CDAN1: variants seen among roughly 807,000 people sequenced by gnomAD.
CDAN1 encodes the protein codanin 1.
CDAN1 carries 107 observed loss-of-function variants against 139.8 expected under a neutral mutation model. The ratio of observed to expected loss-of-function variants is 0.77; its 90% CI spans 0.65 to 0.90. CDAN1 has a LOEUF of 0.90. Among genes scored for constraint, CDAN1 ranks in the 40% least tolerant of loss-of-function variants. The pLI, the probability that CDAN1 is intolerant of heterozygous loss-of-function variation, is 0.00. For missense variants in CDAN1, 1,667 were observed against 1,575.7 expected (o/e 1.06, Z -0.98); for synonymous variants, 776 against 660.6 (o/e 1.17, Z -2.68).
rs1217530560 is a variant in CDAN1, at chr15:42,728,193, C to T, written c.2868+11G>A. On this transcript the variant is annotated intron_variant, in intron 21 of 27. Coordinates refer to ENST00000356231, the MANE Select transcript of CDAN1 (RefSeq NM_138477.4). ...CCTGGCCTGCTAGCTGCAGGCCTCCCTCACACGTACGGCTGCCGGGGTCTC... is the reference window on the plus strand; with the variant it reads ...CCTGGCCTGCTAGCTGCAGGCCTCCTTCACACGTACGGCTGCCGGGGTCTC... The T allele has an allele frequency of 6.2e-7, 1 of 1,613,246 alleles. No individual in the cohort carries two copies. Among genetic ancestry groups the T allele is most frequent in the African/African-American group, 1.3e-5 (1 of 74,944 alleles).
intron 8 of CDAN1, among the ~76,000 whole-genome samples, 174 bp downstream of exon 8, chr15:42,733,764 G>A (rs887943019): frequency 5.3e-5 from 8 of 152,194 alleles, no homozygotes; most frequent in African/African-American, 1.7e-4. Context: ...GGGGTTCACA[G>A]ATGCACATGA....
chr15:42,731,759 G>A lies in CDAN1; in HGVS notation c.1600C>T (p.Leu534=), dbSNP rs776453895. The A allele has an allele frequency of 1.2e-6, 2 of 1,614,206 alleles. No individual in the cohort carries two copies. The highest frequency in any genetic ancestry group is 4.5e-5 in the East Asian group (2 of 44,872). ...AACCGCCCCAGCTTGTCAGCTCCCA[G>A]CATACTCAACACATCTGGGGCCTCG... ...LGEAPDVLSM[L]GADKLGRLWR... The change falls in exon 11 of 28, where the codon CTG becomes TTG. Residue 534 remains leucine (L), a synonymous_variant. Transcript: ENST00000356231.
At chr15:42,726,224 TG>T in intron 24 of CDAN1, 64 bp from the exon 25 acceptor site, 1 of 1,605,476 alleles carries the variant, frequency 6.2e-7, no homozygotes, top group East Asian at 2.2e-5. Flanking sequence ...CTGCGAGAAC[TG>T]GCCCTGAGCC....
rs1194386135 is a variant in CDAN1 at position 42,736,629 on chromosome 15, G to A, written c.242C>T (p.Ala81Val). 2.6e-6 allele frequency: 4 copies of A among 1,513,182 alleles called. No homozygotes were observed. The highest frequency in any genetic ancestry group is 2.7e-5 in the East Asian group (1 of 36,716). The allele number at this position is 1,513,182 out of a possible 1,614,324, so 93.7% of individuals were successfully genotyped here. Reference protein sequence around the residue: ...TPAKTPGASAALPGRPGGPPR... With the variant: ...TPAKTPGASAVLPGRPGGPPR... ...CGGGCCTCCCGGCCTCCCTGGCAAG[G>A]CTGCCGAGGCGCCCGGGGTCTTGGC... The change falls in exon 2 of 28, where the codon GCC becomes GTC. Residue 81 changes from alanine (A) to valine (V), a missense_variant. Transcript: ENST00000356231.
Position 42,732,327 on chromosome 15 carries a change from T to G in CDAN1, c.1533+6A>C, listed in dbSNP as rs2061624529. Reference sequence around the variant, plus strand: ...ATGTGGATTAATCTCTTGCTGGGGCTGTTACCTGGAGTAGTTGTTTTTGGA... The same window carrying G: ...ATGTGGATTAATCTCTTGCTGGGGCGGTTACCTGGAGTAGTTGTTTTTGGA... On this transcript the variant is annotated splice_donor_region_variant and intron_variant, in intron 10 of 27. Transcript: ENST00000356231. The G allele has an allele frequency of 6.2e-7, 1 of 1,613,530 alleles. No individual in the cohort carries two copies. The highest frequency in any genetic ancestry group is 1.3e-5 in the African/African-American group (1 of 74,932).
chr15:42,724,604 C>A lies in CDAN1; in HGVS notation c.3571G>T (p.Glu1191Ter), dbSNP rs1421407767. The A allele has an allele frequency of 1.3e-6, 2 of 1,552,240 alleles. No individual in the cohort carries two copies. Among genetic ancestry groups the A allele is most frequent in the Admixed American group, 3.9e-5 (2 of 51,028 alleles). The change falls in exon 28 of 28, where the codon GAA (glutamate) becomes TAA (stop). Residue 1191 changes from glutamate (E) to a stop codon, truncating the protein, a stop_gained. Transcript: ENST00000356231. LOFTEE classifies it high-confidence loss of function. ...AACAGATTAGACAGTGTTGCTAATTCTTCAGCAAAGTCCTGGAATACATAG... is the reference window on the plus strand; with the variant it reads ...AACAGATTAGACAGTGTTGCTAATTATTCAGCAAAGTCCTGGAATACATAG... ...QAQWPGDFAE[E>*]LATLSNLFLA...
At position 42,729,092 on chromosome 15, in the gene CDAN1, G is replaced by A. The variant is rs370476233; in HGVS notation, c.2576C>T (p.Pro859Leu). The A allele has an allele frequency of 1.8e-5, 29 of 1,614,190 alleles. No individual in the cohort carries two copies. Among genetic ancestry groups the A allele is most frequent in the South Asian group, 8.8e-5 (8 of 91,078 alleles). The change falls in exon 19 of 28, where the codon CCG becomes CTG. Residue 859 changes from proline to leucine, a missense_variant. Physicochemically the swap from Pro to Leu is moderately conservative, Grantham distance 98. This residue lies in a region of CDAN1 where 936 missense variants were observed against 844.1 expected (regional missense o/e 1.11). Coordinates refer to ENST00000356231, the MANE Select transcript of CDAN1 (RefSeq NM_138477.4). ...CTCTACGGTCCGGCGCAAGGAGGGCGGCTGGTTGTGGAAAAAGGCCTGGGC... is the reference window on the plus strand; with the variant it reads ...CTCTACGGTCCGGCGCAAGGAGGGCAGCTGGTTGTGGAAAAAGGCCTGGGC... ...QLAQAFFHNQ[P>L]PSLRRTVEFV...
At chr15:42,731,399 G>A (rs986066527) in intron 11 of CDAN1, 68 bp from the exon 12 acceptor site, 123 of 1,604,204 alleles carry the variant, frequency 7.7e-5, no homozygotes, top group Non-Finnish European at 1.0e-4. Context: ...ATCGAGAAGG[G>A]GCACTCCAGA....
In CDAN1 at chr15:42,725,183, C is replaced by G. The variant is rs1213905935; in HGVS notation, c.3519G>C (p.Glu1173Asp). 2 of 1,614,196 alleles carry G rather than the reference C, an allele frequency of 1.2e-6. No homozygotes were observed. The highest frequency in any genetic ancestry group is 2.2e-5 in the South Asian group (2 of 91,082). The change falls in exon 27 of 28, where the codon GAG (glutamate) becomes GAC (aspartate). Residue 1173 changes from glutamate to aspartate, a missense_variant. Transcript: ENST00000356231. ...EKGLMGRMEI[E>D]ACLGSLHQAQ... ...CCTGGTGGAGGCTGCCCAGGCAGGC[C>G]TCTATCTCCATCCGTCCCATCAGAC...
chr15:42,727,340 A>G (rs2061542140), intron 23 of CDAN1: 1 of 382,826 alleles, frequency 2.6e-6, no homozygotes, highest in African/African-American at 2.1e-5. Context: ...TCACCACCGC[A>G]CTCTCATCAC....
At chr15:42,735,853 C>T in intron 3 of CDAN1, 22 bp downstream of exon 3, 1 of 1,613,208 alleles carries the variant, frequency 6.2e-7, no homozygotes, top group Non-Finnish European at 8.5e-7. Flanking sequence ...AACCGATATC[C>T]CCAGGAGCGG....
In CDAN1 at chr15:42,729,845, C is replaced by T. The variant is rs1166686407; in HGVS notation, c.2303G>A (p.Gly768Asp). 7 of 1,613,832 alleles carry T rather than the reference C, an allele frequency of 4.3e-6. No homozygotes were observed. Among genetic ancestry groups the T allele is most frequent in the Non-Finnish European group, 5.9e-6 (7 of 1,179,994 alleles). ...VPEDLFFLEE[G>D]PSYAFEVDTV... Reference sequence around the variant, plus strand: ...GTCCACCTCAAAGGCATATGAGGGACCCTCTTCCAGAAAGAACAAGTCCTC... The same window carrying T: ...GTCCACCTCAAAGGCATATGAGGGATCCTCTTCCAGAAAGAACAAGTCCTC... Residue 768 changes from glycine (G) to aspartate (D), a missense_variant, in exon 16 of 28, where the codon GGT (glycine) becomes GAT (aspartate). Physicochemically the swap from Gly to Asp is moderately conservative, Grantham distance 94. Transcript: ENST00000356231.
chr15:42,730,696 G>C lies in CDAN1; in HGVS notation c.2076C>G (p.Thr692=). 1 of 1,613,868 alleles carries C rather than the reference G, an allele frequency of 6.2e-7. No homozygotes were observed. The part of the protein sequence containing the change: ...RGLQARRAVL[T]VPWLVEFLSF... ...AGAGAAACTCCACCAGCCAGGGCAC[G>C]GTGAGCACCGCCCGGCGGGCCTGCA... Residue 692 remains threonine (T), a synonymous_variant, in exon 14 of 28, where the codon ACC becomes ACG. Transcript: ENST00000356231.
Position 42,728,231 on chromosome 15 carries a change from C to A in CDAN1, c.2841G>T (p.Ala947=), listed in dbSNP as rs138228278. The A allele has an allele frequency of 1.2e-6, 2 of 1,613,874 alleles. No homozygotes were observed. Among genetic ancestry groups the A allele is most frequent in the Non-Finnish European group, 1.7e-6 (2 of 1,180,000 alleles). ...CTGCCGGGGTCTCCTCTGGAAGCAGCGCCCGCACAGCCCCAGGGCTCTTCC... is the reference window on the plus strand; with the variant it reads ...CTGCCGGGGTCTCCTCTGGAAGCAGAGCCCGCACAGCCCCAGGGCTCTTCC... The part of the protein sequence containing the change: ...CQRKSPGAVR[A]LLPEETPAAV... The change falls in exon 21 of 28, where the codon GCG becomes GCT. Residue 947 remains alanine (A), a synonymous_variant. Transcript: ENST00000356231.
rs139809959 is a variant in CDAN1, at chr15:42,729,307, C to G, written c.2463G>C (p.Gly821=). The G allele has an allele frequency of 1.9e-6, 3 of 1,614,096 alleles. No homozygotes were observed. The highest frequency in any genetic ancestry group is 2.2e-5 in the East Asian group (1 of 44,866). ...SWVSGSSGRS[G]GFMRKITPTT... ...TGGGGGTGATTTTCCTCATGAAGCC[C>G]CCACTCCGTCCACTACTGCCTGACA... The change falls in exon 18 of 28, where the codon GGG becomes GGC. Residue 821 remains glycine, a synonymous_variant. Transcript: ENST00000356231.
Position 42,728,239 on chromosome 15 carries a change from C to T in CDAN1, c.2833G>A (p.Val945Met), listed in dbSNP as rs756449578. The change falls in exon 21 of 28, where the codon GTG becomes ATG. Residue 945 changes from valine (V) to methionine (M), a missense_variant. Around this residue, in one of 3 missense-constraint regions of CDAN1, gnomAD observed 936 missense variants for 844.1 expected, o/e 1.11. Transcript: ENST00000356231. ...EFCQRKSPGA[V>M]RALLPEETPA... ...GTCTCCTCTGGAAGCAGCGCCCGCA[C>T]AGCCCCAGGGCTCTTCCTTTGACAG... 6.8e-6 allele frequency: 11 copies of T among 1,613,874 alleles called. No individual in the cohort carries two copies. The highest frequency in any genetic ancestry group is 6.7e-5 in the East Asian group (3 of 44,890).
At chr15:42,724,710 ATTATT>A in intron 27 of CDAN1, 94 bp from the exon 28 acceptor site, 1 of 1,472,772 alleles carries the variant, frequency 6.8e-7, no homozygotes, top group Non-Finnish European at 9.2e-7. Flanking sequence ...GGCTGGCTAT[ATTATT>A]TTTTCTCAAC....
At chr15:42,736,101 T>C (rs1394487670) in intron 2 of CDAN1, 23 bp from the exon 3 acceptor site, 2 of 1,612,454 alleles carry the variant, frequency 1.2e-6, no homozygotes, top group Non-Finnish European at 1.7e-6. Flanking sequence ...GCCACAGGTT[T>C]TTCTCAAATT....
intron 14 of CDAN1, 101 bp downstream of exon 14, chr15:42,730,497 A>C: frequency 7.3e-7 from 1 of 1,378,426 alleles, no homozygotes; most frequent in Non-Finnish European, 1.0e-6. Flanking sequence ...AGGGCCCCAC[A>C]CGCACAGTGC....
Sources: gnomAD v4.1 joint callset for allele counts (sites outside exome capture counted in the v4.1 genomes callset) on GRCh38, gnomAD v4.1.1 for gene constraint, gnomAD v4.1.1 regional missense constraint, MANE v1.5 for transcripts, NCBI Gene and HGNC (gene_info 2026-07-23, HGNC 2026-07-21) for gene names.